The following CLEC7A variants were observed in gnomAD, a reference collection of about 807,000 sequenced individuals.
CLEC7A encodes the protein C-type lectin domain family 7 member A.
Under a neutral mutation model 26.9 loss-of-function variants are expected in CLEC7A, and 25 were observed. The ratio of observed to expected loss-of-function variants is 0.93; its 90% CI spans 0.68 to 1.30. CLEC7A has a LOEUF of 1.30. Ranked by LOEUF, CLEC7A falls within the 50% of genes most tolerant of loss-of-function variation. The probability of loss-of-function intolerance (pLI) is 0.00; values close to 1 mark genes in which losing one functional copy is unlikely to be tolerated. For synonymous variants in CLEC7A, 100 were observed against 99.5 expected, an observed-to-expected ratio of 1.01 and a Z score of -0.03; for missense variants, 275 against 286.7, an observed-to-expected ratio of 0.96 and a Z score of 0.29.
At chr12:10,128,370 A>G (rs1367982778) in intron 1 of CLEC7A, among the ~76,000 whole-genome samples, 1 of 152,096 alleles carries the variant, frequency 6.6e-6, no homozygotes, top group Admixed American at 6.6e-5. Flanking sequence ...TTCTTCTTCA[A>G]TTGCTGGAAT....
chr12:10,129,649 G>A (rs1437148014), intron 1 of CLEC7A, among the ~76,000 whole-genome samples: 2 of 151,582 alleles, frequency 1.3e-5, no homozygotes, highest in African/African-American at 4.9e-5. Context: ...ATGGAGTCTT[G>A]CTCTGCCACC....
At chr12:10,126,218 C>T (rs904737472) in intron 3 of CLEC7A, 8 of 982,622 alleles carry the variant, frequency 8.1e-6, no homozygotes, top group African/African-American at 1.8e-5. Flanking sequence ...CTAACTGTAT[C>T]GCATTTAAAA....
At position 10,129,971 on chromosome 12, in the gene CLEC7A, T is replaced by C. The variant is rs1288988785; in HGVS notation, c.103+9A>G. 2.0e-6 allele frequency: 3 copies of C among 1,516,892 alleles called. No individual in the cohort carries two copies. In the South Asian group the frequency reaches 3.4e-5, roughly 17 times the overall value. The allele number at this position is 1,516,892 out of a possible 1,614,324, so 94.0% of individuals were successfully genotyped here. A position where few individuals can be genotyped will look rare whatever the true frequency, so the allele number is the denominator to read the frequency against. ...CTAAAGGCACACATTAGAAAAAACA[T>C]ATATATACCTTTCTCTGAAACAACA... On this transcript the variant is annotated intron_variant, in intron 1 of 5. Coordinates refer to ENST00000304084, the MANE Select transcript of CLEC7A (RefSeq NM_197947.3).
At chr12:10,128,244 A>ACACACC (rs1250491798) in intron 1 of CLEC7A, among the ~76,000 whole-genome samples, 5 of 89,880 alleles carry the variant, frequency 5.6e-5, no homozygotes, top group African/African-American at 2.1e-4. Flanking sequence ...ACACACACAC[A>ACACACC]CACCACCAAC....
chr12:10,127,487 T>A (rs1948330191), intron 2 of CLEC7A: 7 of 1,585,256 alleles, frequency 4.4e-6, no homozygotes, highest in African/African-American at 1.3e-5. Flanking sequence ...GAGTATGAGT[T>A]TTTTAGACAG....
intron 1 of CLEC7A, 28 bp from the exon 2 acceptor site, chr12:10,127,873 A>C: frequency 7.0e-7 from 1 of 1,433,062 alleles, no homozygotes; most frequent in South Asian, 1.3e-5. Flanking sequence ...GCAGAAATGG[A>C]ATAAAGAAAG....
At chr12:10,121,377 C>T (rs1262208357) in intron 5 of CLEC7A, among the ~76,000 whole-genome samples, 2 of 151,978 alleles carry the variant, frequency 1.3e-5, no homozygotes, top group Non-Finnish European at 2.9e-5. Flanking sequence ...CCTGATAACA[C>T]GGCTTCAACA....
chr12:10,123,762 C>G (rs201862489), intron 4 of CLEC7A, among the ~76,000 whole-genome samples: 1 of 43,860 alleles, frequency 2.3e-5, no homozygotes, highest in Non-Finnish European at 4.9e-5. Flanking sequence ...AGCGAGACTC[C>G]GTCTCAAAAA....
chr12:10,127,185 A>T (rs916087869), intron 2 of CLEC7A: 3 of 1,085,376 alleles, frequency 2.8e-6, no homozygotes, highest in Non-Finnish European at 3.8e-6. Context: ...ATGTGATATA[A>T]AATGTAAAAA....
In CLEC7A at chr12:10,118,601, A is replaced by G. The variant is rs1338136879; in HGVS notation, c.612-11T>C. ...GTTCTGATCTGAAATCTGTTAAAAT[A>G]GAATACAGTGAGGTAATTAGAACAA... On this transcript the variant is annotated splice_polypyrimidine_tract_variant and intron_variant, in intron 5 of 5. Transcript: ENST00000304084. 6.2e-7 allele frequency: 1 copy of G among 1,609,970 alleles called. No homozygotes were observed.
At chr12:10,121,336 A>G (rs549953934) in intron 5 of CLEC7A, among the ~76,000 whole-genome samples, 2 of 152,146 alleles carry the variant, frequency 1.3e-5, no homozygotes, top group Non-Finnish European at 1.5e-5. Flanking sequence ...AAGAAAGGGG[A>G]AAAAAAGTAA....
At position 10,120,635 on chromosome 12, in the gene CLEC7A, C is replaced by T. The variant is rs148870401; in HGVS notation, c.612-2045G>A. Among the ~76,000 whole-genome samples the T allele has an allele frequency of 1.6e-3, 236 of 150,246 alleles. 4 individuals are homozygous for T. In the East Asian group the frequency reaches 0.035, roughly 22 times the overall value. On this transcript the variant is annotated intron_variant, in intron 5 of 5. Coordinates refer to ENST00000304084, the MANE Select transcript of CLEC7A (RefSeq NM_197947.3). ...TAGAGATGGGGTTTCACCATTTTGG[C>T]CAGGCTGGTATCGAACTCCAGAGAT...
intron 3 of CLEC7A, among the ~76,000 whole-genome samples, chr12:10,125,737 C>T (rs946492029): frequency 6.6e-6 from 1 of 152,120 alleles, no homozygotes; most frequent in Non-Finnish European, 1.5e-5. Flanking sequence ...CTCAAAACTA[C>T]CTTTCTCCTT....
intron 5 of CLEC7A, among the ~76,000 whole-genome samples, chr12:10,122,615 C>T (rs961418485): frequency 6.6e-6 from 1 of 151,720 alleles, no homozygotes; most frequent in Admixed American, 6.6e-5. Flanking sequence ...TCTCCTGCCT[C>T]AGCCTCCTGA....
Position 10,117,741 on chromosome 12 carries a change from C to G in CLEC7A, c.*717G>C, listed in dbSNP as rs573661932. 2.6e-5 allele frequency: 4 copies of G among 152,070 alleles called. No homozygotes were observed. Among genetic ancestry groups the G allele is most frequent in the Admixed American group, 6.6e-5 (1 of 15,262 alleles). The allele number at this position is 152,070 out of a possible 1,614,324, so 9.4% of individuals were successfully genotyped here. On this transcript the variant is annotated 3_prime_UTR_variant, in exon 6 of 6. Transcript: ENST00000304084. ...TTTAGCTATTCAGAAATATATTTCA[C>G]CCTCAGTTCATAACTGATATACTGC...
chr12:10,122,949 C>G (rs764031938), intron 5 of CLEC7A, among the ~76,000 whole-genome samples: 4 of 152,162 alleles, frequency 2.6e-5, no homozygotes, highest in African/African-American at 4.8e-5. Context: ...CACTGACTGA[C>G]AGTGACTGCT....
At chr12:10,126,490 T>G in intron 3 of CLEC7A, 81 bp downstream of exon 3, 1 of 1,485,912 alleles carries the variant, frequency 6.7e-7, no homozygotes, top group Non-Finnish European at 8.9e-7. Context: ...TAAGTGTTTT[T>G]CTTTACACCC....
chr12:10,120,401 T>A (rs1265367142), intron 5 of CLEC7A, among the ~76,000 whole-genome samples: 1 of 152,038 alleles, frequency 6.6e-6, no homozygotes, highest in Non-Finnish European at 1.5e-5. Context: ...TATATTTGAG[T>A]GGCTGAGAGG....
chr12:10,120,373 T>C (rs1161822863), intron 5 of CLEC7A, among the ~76,000 whole-genome samples: 1 of 151,658 alleles, frequency 6.6e-6, no homozygotes. Context: ...CAGTAAAAAA[T>C]AGAAAACAGT....
Sources: gnomAD v4.1 joint callset for allele counts (sites outside exome capture counted in the v4.1 genomes callset) on GRCh38, gnomAD v4.1.1 for gene constraint, MANE v1.5 for transcripts, NCBI Gene and HGNC (gene_info 2026-07-23, HGNC 2026-07-21) for gene names.